EPHA5: variants seen among roughly 807,000 people sequenced by gnomAD.
EPHA5 encodes the protein EPH receptor A5, also known as ephrin type-A receptor 5.
EPHA5 carries 60 observed loss-of-function variants against 105.0 expected under a neutral mutation model. That is an observed-to-expected ratio of 0.57 (90% confidence interval 0.46 to 0.71). The LOEUF is 0.71. Among genes scored for constraint, EPHA5 ranks in the 30% least tolerant of loss-of-function variants. EPHA5 has a pLI of 0.00. For missense variants in EPHA5, 1,218 were observed against 1,274.7 expected (o/e 0.96, Z 0.68); for synonymous variants, 513 against 449.1 (o/e 1.14, Z -1.80).
At chr4:65,656,280 G>C (rs970046033) in intron 1 of EPHA5, among the ~76,000 whole-genome samples, 2 of 151,154 alleles carry the variant, frequency 1.3e-5, no homozygotes, top group South Asian at 4.2e-4. Context: ...AACACCACTG[G>C]GGTTCTCTCA....
intron 9 of EPHA5, 122 bp downstream of exon 9, chr4:65,367,235 T>C: frequency 1.2e-6 from 1 of 845,862 alleles, no homozygotes; most frequent in Non-Finnish European, 1.8e-6. Flanking sequence ...TAGAACACTT[T>C]TAAAAAAAAA....
intron 5 of EPHA5, among the ~76,000 whole-genome samples, chr4:65,422,846 C>T (rs1299671100): frequency 6.6e-6 from 1 of 151,870 alleles, no homozygotes; most frequent in Non-Finnish European, 1.5e-5. Context: ...AATAGCATTC[C>T]CACATACCTT....
intron 1 of EPHA5, among the ~76,000 whole-genome samples, chr4:65,657,512 C>T (rs1353195353): frequency 6.6e-6 from 1 of 152,096 alleles, no homozygotes; most frequent in Non-Finnish European, 1.5e-5. Context: ...ATACGTCTAG[C>T]AAATCTAAAA....
At chr4:65,410,829 A>G (rs903276486) in intron 7 of EPHA5, among the ~76,000 whole-genome samples, 126 of 152,300 alleles carry the variant, frequency 8.3e-4, no homozygotes, top group African/African-American at 2.8e-3. Context: ...TGAGACAAAT[A>G]GATATAGTTA....
intron 8 of EPHA5, chr4:65,377,135 T>C (rs2148920696): frequency 1.4e-6 from 2 of 1,399,250 alleles, no homozygotes; most frequent in South Asian, 1.5e-5. Context: ...AAAGACACTA[T>C]GAATTTACTC....
In EPHA5 at chr4:65,609,611, T is replaced by TA. The variant is rs571130141; in HGVS notation, c.247-7308_247-7307insT. Among the ~76,000 whole-genome samples the TA allele has an allele frequency of 6.0e-4, 6 of 9,930 alleles. 1 individual carries two copies. Among genetic ancestry groups the TA allele is most frequent in the South Asian group, 0.016 (2 of 122 alleles). 6.5% of individuals were successfully genotyped at this position (9,930 alleles called of 152,430 possible). ...GTAAATGTGAATGGCAAGCTAGATA[T>TA]TTTTTTTTCAACCTGGAGGAAAAAA... On this transcript the variant is annotated intron_variant, in intron 2 of 16. Coordinates refer to ENST00000613740, the MANE Select transcript of EPHA5 (RefSeq NM_001281766.3).
chr4:65,616,128 A>C (rs1234527580), intron 2 of EPHA5, among the ~76,000 whole-genome samples: 1 of 151,996 alleles, frequency 6.6e-6, no homozygotes, highest in African/African-American at 2.4e-5. Context: ...ACTATTGATA[A>C]AAGAAGGAAC....
intron 3 of EPHA5, among the ~76,000 whole-genome samples, chr4:65,596,571 A>AG (rs1219574829): frequency 2.0e-5 from 3 of 152,170 alleles, no homozygotes; most frequent in African/African-American, 7.2e-5. Context: ...GCCAGGGAGC[A>AG]GTTAAAATGG....
intron 3 of EPHA5, among the ~76,000 whole-genome samples, chr4:65,512,090 G>A (rs1320856573): frequency 6.6e-6 from 1 of 152,092 alleles, no homozygotes; most frequent in Non-Finnish European, 1.5e-5. Context: ...TAAGTGAGAG[G>A]AATACCCAAT....
intron 5 of EPHA5, among the ~76,000 whole-genome samples, chr4:65,447,825 A>G (rs1221378553): frequency 6.6e-6 from 1 of 152,126 alleles, no homozygotes. Context: ...AAATTACAAC[A>G]AAATGACAAA....
intron 5 of EPHA5, among the ~76,000 whole-genome samples, chr4:65,438,198 T>C (rs942586305): frequency 6.6e-6 from 1 of 151,964 alleles, no homozygotes; most frequent in Non-Finnish European, 1.5e-5. Context: ...TATAAACTCA[T>C]TCATTTAATG....
chr4:65,618,730 G>A (rs1000232358), intron 2 of EPHA5, among the ~76,000 whole-genome samples: 1 of 152,070 alleles, frequency 6.6e-6, no homozygotes, highest in African/African-American at 2.4e-5. Flanking sequence ...TTTTTTAGAA[G>A]ATAATTGTAT....
intron 2 of EPHA5, among the ~76,000 whole-genome samples, chr4:65,637,402 A>C (rs1417236669): frequency 6.6e-6 from 1 of 151,608 alleles, no homozygotes; most frequent in Non-Finnish European, 1.5e-5. Flanking sequence ...ATACTCTCCT[A>C]TATGGCAGTT....
At chr4:65,417,578 T>A (rs916315570) in intron 6 of EPHA5, among the ~76,000 whole-genome samples, 3 of 152,142 alleles carry the variant, frequency 2.0e-5, no homozygotes, top group Non-Finnish European at 4.4e-5. Context: ...GGCAACTTAT[T>A]ATTAATTTAT....
At chr4:65,587,996 T>C (rs1742284293) in intron 3 of EPHA5, among the ~76,000 whole-genome samples, 1 of 152,162 alleles carries the variant, frequency 6.6e-6, no homozygotes, top group South Asian at 2.1e-4. Flanking sequence ...TACATTTTAT[T>C]GCAGAACATA....
At chr4:65,503,385 C>T (rs4860673) in intron 3 of EPHA5, among the ~76,000 whole-genome samples, 24,751 of 151,606 alleles carry the variant, frequency 0.16, 2,669 homozygotes, top group East Asian at 0.36. Context: ...AATTTGGCAA[C>T]GTCTCTTGAA....
chr4:65,592,538 G>T (rs1017008147), intron 3 of EPHA5, among the ~76,000 whole-genome samples: 16 of 151,706 alleles, frequency 1.1e-4, no homozygotes, highest in Non-Finnish European at 2.1e-4. Flanking sequence ...AAAAAGAAAA[G>T]AAAAGAAAAA....
At chr4:65,477,706 C>T (rs1367498808) in intron 5 of EPHA5, among the ~76,000 whole-genome samples, 2 of 152,118 alleles carry the variant, frequency 1.3e-5, no homozygotes, top group African/African-American at 4.8e-5. Flanking sequence ...AGCCACCGTG[C>T]CCAGCCCACT....
At chr4:65,522,872 C>T (rs1734889519) in intron 3 of EPHA5, among the ~76,000 whole-genome samples, 1 of 151,864 alleles carries the variant, frequency 6.6e-6, no homozygotes, top group Admixed American at 6.6e-5. Flanking sequence ...GTGATGGTCT[C>T]CTATTACACG....
Sources: gnomAD v4.1 joint callset for allele counts (sites outside exome capture counted in the v4.1 genomes callset) on GRCh38, gnomAD v4.1.1 for gene constraint, MANE v1.5 for transcripts, NCBI Gene and HGNC (gene_info 2026-07-23, HGNC 2026-07-21) for gene names.